UFL1: variants seen among roughly 807,000 people sequenced by gnomAD.
UFL1 encodes E3 UFM1-protein ligase 1.
Under a neutral mutation model 99.3 loss-of-function variants are expected in UFL1, and 78 were observed. The observed-to-expected ratio is 0.79, with a 90% confidence interval of 0.65 to 0.95. The LOEUF (loss-of-function observed/expected upper bound fraction) is 0.95. Ranked by LOEUF, UFL1 falls within the 40% of genes least tolerant of loss-of-function variation. The pLI, the probability that UFL1 is intolerant of heterozygous loss-of-function variation, is 0.00. For missense variants in UFL1, 936 were observed against 937.0 expected, an observed-to-expected ratio of 1.00 and a Z score of 0.01; for synonymous variants, 335 against 322.2, an observed-to-expected ratio of 1.04 and a Z score of -0.42.
At chr6:96,546,527 A>T (rs1162696358) in intron 12 of UFL1, among the ~76,000 whole-genome samples, 1 of 151,576 alleles carries the variant, frequency 6.6e-6, no homozygotes, top group African/African-American at 2.4e-5. Flanking sequence ...CCTAAAGTTG[A>T]TATGGAACCA....
At chr6:96,544,158 A>C (rs933934784) in intron 12 of UFL1, among the ~76,000 whole-genome samples, 1 of 151,042 alleles carries the variant, frequency 6.6e-6, no homozygotes, top group Non-Finnish European at 1.5e-5. Flanking sequence ...AGGAAACATT[A>C]ATTTTATGTA....
chr6:96,540,507 C>G, intron 10 of UFL1, 28 bp from the exon 11 acceptor site: 1 of 1,581,076 alleles, frequency 6.3e-7, no homozygotes, highest in Non-Finnish European at 8.6e-7. Flanking sequence ...TGTGTTTTTC[C>G]TACCAAAAAA....
chr6:96,525,154 C>T (rs367922105), intron 3 of UFL1, 143 bp from the exon 4 acceptor site: 2 of 583,426 alleles, frequency 3.4e-6, no homozygotes, highest in East Asian at 6.8e-5. Flanking sequence ...CCTCCCGCCT[C>T]ATCCTCCCAA....
chr6:96,532,644 T>C (rs1769798049), intron 6 of UFL1, among the ~76,000 whole-genome samples: 1 of 152,200 alleles, frequency 6.6e-6, no homozygotes, highest in Non-Finnish European at 1.5e-5. Flanking sequence ...GCTTCCTCTT[T>C]CACTATGTGA....
rs775013309 is a variant in UFL1 at position 96,551,461 on chromosome 6, C to T, written c.1847C>T (p.Ser616Leu). 6 of 1,531,142 alleles carry T rather than the reference C, an allele frequency of 3.9e-6. No individual in the cohort carries two copies. The highest frequency in any genetic ancestry group is 2.2e-5 in the Admixed American group (1 of 45,848). The allele number at this position is 1,531,142 out of a possible 1,614,324, so 94.8% of individuals were successfully genotyped here. Reference sequence around the variant, plus strand: ...AGAAAGAAAATTTTAAGTAAATTATCAGAAGAAACCAAAGTAGCTCTTACA... The same window carrying T: ...AGAAAGAAAATTTTAAGTAAATTATTAGAAGAAACCAAAGTAGCTCTTACA... Reference protein sequence around the residue: ...EIRKKILSKLSEETKVALTKL... With the variant: ...EIRKKILSKLLEETKVALTKL... Residue 616 changes from serine to leucine, a missense_variant, in exon 16 of 19, where the codon TCA (serine) becomes TTA (leucine). By Grantham distance (145) the Ser-to-Leu change is moderately radical (BLOSUM62 -2). Coordinates refer to ENST00000369278, the MANE Select transcript of UFL1 (RefSeq NM_015323.5).
intron 12 of UFL1, among the ~76,000 whole-genome samples, chr6:96,547,814 G>C (rs922916123): frequency 7.3e-5 from 11 of 151,200 alleles, no homozygotes; most frequent in African/African-American, 1.2e-4. Context: ...AAGTTGGGGG[G>C]GGGCGGTATG....
In UFL1 at chr6:96,549,771, T is replaced by C; in HGVS notation, c.1790T>C (p.Val597Ala). The C allele has an allele frequency of 6.2e-7, 1 of 1,612,020 alleles. No homozygotes were observed. The highest frequency in any genetic ancestry group is 1.1e-5 in the South Asian group (1 of 91,034). The stretch of plus-strand genomic sequence containing the variant: ...TTAGCTTCGGATTTAATGATGGCAG[T>C]AGACGATCCTGCAGCCATTACAAGT... ...NFLASDLMMA[V>A]DDPAAITSEI... Residue 597 changes from valine to alanine, a missense_variant, in exon 15 of 19, where the codon GTA becomes GCA. By Grantham distance (64) the Val-to-Ala change is moderately conservative (BLOSUM62 0). Coordinates refer to ENST00000369278, the MANE Select transcript of UFL1 (RefSeq NM_015323.5).
At chr6:96,528,864 T>C (rs1482224849) in intron 6 of UFL1, among the ~76,000 whole-genome samples, 2 of 152,162 alleles carry the variant, frequency 1.3e-5, no homozygotes, top group East Asian at 3.8e-4. Context: ...TTCACCACCC[T>C]TGTGACCCCA....
chr6:96,549,440 G>T lies in UFL1; in HGVS notation c.1549G>T (p.Val517Leu), dbSNP rs1197867229. The part of the protein sequence containing the change: ...KPLNKTYLEV[V>L]RSVFMSSTTS... Reference sequence around the variant, plus strand: ...TCTTAATAAAACTTATCTCGAGGTGGTACGTTCAGTATTCATGTCTTCAAC... The same window carrying T: ...TCTTAATAAAACTTATCTCGAGGTGTTACGTTCAGTATTCATGTCTTCAAC... Residue 517 changes from valine (V) to leucine (L), a missense_variant, in exon 14 of 19, where the codon GTA becomes TTA. Physicochemically the swap from Val to Leu is conservative, Grantham distance 32. Coordinates refer to ENST00000369278, the MANE Select transcript of UFL1 (RefSeq NM_015323.5). The T allele has an allele frequency of 8.8e-6, 14 of 1,597,092 alleles. No individual in the cohort carries two copies. Among genetic ancestry groups the T allele is most frequent in the Non-Finnish European group, 1.2e-5 (14 of 1,175,358 alleles).
At chr6:96,523,358 C>T in intron 2 of UFL1, 67 bp downstream of exon 2, 2 of 1,427,732 alleles carry the variant, frequency 1.4e-6, no homozygotes, top group South Asian at 1.5e-5. Context: ...ACAAACAAAA[C>T]CCGTAAACAT....
intron 6 of UFL1, among the ~76,000 whole-genome samples, chr6:96,533,622 CATT>C (rs907954817): frequency 6.6e-6 from 1 of 151,740 alleles, no homozygotes; most frequent in Non-Finnish European, 1.5e-5. Context: ...GTGATGAAAA[CATT>C]ATAAACTGGA....
chr6:96,523,097 G>T (rs555408831), intron 1 of UFL1, 49 bp from the exon 2 acceptor site: 2 of 1,531,106 alleles, frequency 1.3e-6, no homozygotes, highest in Admixed American at 2.1e-5. Context: ...TTTATTGAGC[G>T]CCAATGTCTC....
rs552757714 is a variant in UFL1, at chr6:96,536,964, A to G, written c.803-410A>G. Among the ~76,000 whole-genome samples, 6 of 150,142 alleles carry G rather than the reference A, an allele frequency of 4.0e-5. No individual in the cohort carries two copies. In the East Asian group the frequency reaches 9.7e-4, roughly 24 times the overall value. On this transcript the variant is annotated intron_variant, in intron 8 of 18. Transcript: ENST00000369278. ...AAATTGGACTGAATTTAGTTATTAAAACAATTAGCATATATATATATAAGA... is the reference window on the plus strand; with the variant it reads ...AAATTGGACTGAATTTAGTTATTAAGACAATTAGCATATATATATATAAGA...
At chr6:96,529,860 TCCTC>T (rs1314897159) in intron 6 of UFL1, among the ~76,000 whole-genome samples, 1 of 152,180 alleles carries the variant, frequency 6.6e-6, no homozygotes, top group Non-Finnish European at 1.5e-5. Flanking sequence ...TGAAATGATT[TCCTC>T]CCTCCCTCCC....
In UFL1 at chr6:96,551,886, G is replaced by A. The variant is rs1220599226; in HGVS notation, c.1948G>A (p.Asp650Asn). ...SCLDSAAEAC[D>N]IMVKRGDKKR... ...TCTGGATTCTGCAGCAGAAGCTTGT[G>A]ATATTATGGTGAAAAGGGGAGACAA... Residue 650 changes from aspartate (D) to asparagine (N), a missense_variant, in exon 17 of 19, where the codon GAT becomes AAT. Asp to Asn is a conservative substitution (Grantham distance 23). Transcript: ENST00000369278. 6.2e-7 allele frequency: 1 copy of A among 1,609,774 alleles called. No homozygotes were observed. The highest frequency in any genetic ancestry group is 8.5e-7 in the Non-Finnish European group (1 of 1,177,404).
intron 10 of UFL1, among the ~76,000 whole-genome samples, chr6:96,540,144 T>TCTTG (rs1769910408): frequency 6.6e-6 from 1 of 151,414 alleles, no homozygotes; most frequent in Non-Finnish European, 1.5e-5. Flanking sequence ...GAGGGTTCAT[T>TCTTG]ATCTTTAATA....
chr6:96,549,497 A>C lies in UFL1; in HGVS notation c.1606A>C (p.Thr536Pro). 1 of 1,589,316 alleles carries C rather than the reference A, an allele frequency of 6.3e-7. No individual in the cohort carries two copies. Among genetic ancestry groups the C allele is most frequent in the Non-Finnish European group, 8.5e-7 (1 of 1,172,838 alleles). Residue 536 changes from threonine to proline, a missense_variant, in exon 14 of 19, where the codon ACA becomes CCA. Coordinates refer to ENST00000369278, the MANE Select transcript of UFL1 (RefSeq NM_015323.5). ...TSASGTGRKR[T>P]IKDLQEEVSN... Reference sequence around the variant, plus strand: ...TGCTTCTGGGACGGGCAGAAAACGCACAATCAAGGACTTGCAAGAAGAAGT... The same window carrying C: ...TGCTTCTGGGACGGGCAGAAAACGCCCAATCAAGGACTTGCAAGAAGAAGT...
intron 6 of UFL1, among the ~76,000 whole-genome samples, chr6:96,529,461 A>G (rs753714903): frequency 8.5e-5 from 13 of 152,330 alleles, no homozygotes; most frequent in Non-Finnish European, 1.5e-4. Flanking sequence ...AGCTTCTACT[A>G]CATATATAGC....
intron 17 of UFL1, among the ~76,000 whole-genome samples, chr6:96,552,254 A>G (rs890975235): frequency 3.9e-5 from 6 of 152,066 alleles, no homozygotes; most frequent in Non-Finnish European, 7.4e-5. Context: ...CAAAAAACAT[A>G]CTTTGAGTAT....
Sources: gnomAD v4.1 joint callset for allele counts (sites outside exome capture counted in the v4.1 genomes callset) on GRCh38, gnomAD v4.1.1 for gene constraint, MANE v1.5 for transcripts, NCBI Gene and HGNC (gene_info 2026-07-23, HGNC 2026-07-21) for gene names.